DNM3: variants seen among roughly 807,000 people sequenced by gnomAD.
DNM3 encodes dynamin 3.
DNM3 carries 47 observed loss-of-function variants against 101.6 expected under a neutral mutation model. The ratio of observed to expected loss-of-function variants is 0.46; its 90% CI spans 0.37 to 0.59. The LOEUF is 0.59. DNM3 is among the 20% of genes least tolerant of loss of function. The pLI is 0.00. For missense variants in DNM3, 849 were observed against 1,085.7 expected (o/e 0.78, Z 3.06); for synonymous variants, 385 against 387.9 (o/e 0.99, Z 0.09).
intron 13 of DNM3, among the ~76,000 whole-genome samples, chr1:172,104,427 A>G (rs919917807): frequency 6.6e-6 from 1 of 152,040 alleles, no homozygotes; most frequent in African/African-American, 2.4e-5. Context: ...ACCGGCGAGG[A>G]TAAATATTTT....
intron 1 of DNM3, among the ~76,000 whole-genome samples, chr1:171,893,460 T>G (rs2037478549): frequency 2.0e-5 from 3 of 151,860 alleles, no homozygotes; most frequent in African/African-American, 7.3e-5. Context: ...TGACTTTTTT[T>G]TTTTGTCTTT....
intron 14 of DNM3, among the ~76,000 whole-genome samples, chr1:172,222,279 A>G (rs1176287019): frequency 6.6e-6 from 1 of 152,196 alleles, no homozygotes; most frequent in Non-Finnish European, 1.5e-5. Context: ...TGGATATATG[A>G]TCCAAGCTCT....
intron 17 of DNM3, among the ~76,000 whole-genome samples, chr1:172,369,131 G>A (rs2068185295): frequency 6.6e-6 from 1 of 151,584 alleles, no homozygotes; most frequent in African/African-American, 2.4e-5. Flanking sequence ...ATTCCATGAG[G>A]CCAGCATTAC....
intron 15 of DNM3, chr1:172,289,664 T>A (rs2063828638): frequency 1.0e-6 from 1 of 984,648 alleles, no homozygotes; most frequent in Non-Finnish European, 1.2e-6. Context: ...ATTTTTTGTT[T>A]CTTTTTAATA....
chr1:172,052,585 T>A (rs888509317), intron 10 of DNM3, among the ~76,000 whole-genome samples: 31 of 152,160 alleles, frequency 2.0e-4, no homozygotes, highest in Admixed American at 2.0e-4. Context: ...CAAAGATCAG[T>A]GAGAGTCCTG....
In DNM3 at chr1:172,411,921, A is replaced by G. The variant is rs1427246140; in HGVS notation, c.*4080A>G. 4 of 985,820 alleles carry G rather than the reference A, an allele frequency of 4.1e-6. No homozygotes were observed. Among genetic ancestry groups the G allele is most frequent in the Non-Finnish European group, 4.8e-6 (4 of 829,862 alleles). 61.1% of individuals were successfully genotyped at this position (985,820 alleles called of 1,614,324 possible). ...CTCATTGTACATTCTAAAAAGCTCA[A>G]ATGAGTCTTCTAGATACTCTTACTC... On this transcript the variant is annotated 3_prime_UTR_variant, in exon 21 of 21. Transcript: ENST00000627582.
chr1:172,090,077 A>G (rs2053804309), intron 12 of DNM3, among the ~76,000 whole-genome samples: 1 of 152,158 alleles, frequency 6.6e-6, no homozygotes, highest in Non-Finnish European at 1.5e-5. Flanking sequence ...AAGTGATTTG[A>G]AGGGGACTGA....
intron 14 of DNM3, among the ~76,000 whole-genome samples, chr1:172,223,628 T>C (rs2060995800): frequency 6.6e-6 from 1 of 152,160 alleles, no homozygotes; most frequent in Admixed American, 6.6e-5. Context: ...CTTTATCTAT[T>C]GTTCCCTATT....
Position 172,190,800 on chromosome 1 carries a change from G to T in DNM3, c.1659+59512G>T, listed in dbSNP as rs564134567. 2.3e-4 allele frequency among the ~76,000 whole-genome samples: 35 copies of T among 152,132 alleles called. No individual in the cohort carries two copies. In the South Asian group the frequency reaches 4.8e-3, roughly 21 times the overall value. ...AGCATTTTTTCATGTGTCTGTTGGT[G>T]GCACAAATGTCTTCTTTTGAGAAGT... On this transcript the variant is annotated intron_variant, in intron 14 of 20. Coordinates refer to ENST00000627582, the MANE Select transcript of DNM3 (RefSeq NM_015569.5).
At chr1:172,189,031 T>C (rs2059616488) in intron 14 of DNM3, among the ~76,000 whole-genome samples, 1 of 152,098 alleles carries the variant, frequency 6.6e-6, no homozygotes, top group South Asian at 2.1e-4. Flanking sequence ...TGAATTAATT[T>C]TTGTAAAAAG....
chr1:172,247,046 C>G (rs1446896633), intron 14 of DNM3, among the ~76,000 whole-genome samples: 1 of 152,178 alleles, frequency 6.6e-6, no homozygotes, highest in Admixed American at 6.5e-5. Flanking sequence ...AAACATTTAT[C>G]GTCCCTGGGT....
At chr1:172,058,030 G>A (rs1043438587) in intron 10 of DNM3, among the ~76,000 whole-genome samples, 73 of 140,852 alleles carry the variant, frequency 5.2e-4, no homozygotes, top group African/African-American at 1.9e-3. Flanking sequence ...ACAAAAAAAG[G>A]CAGGGGTTGC....
intron 6 of DNM3, among the ~76,000 whole-genome samples, chr1:172,037,138 C>T (rs1247802601): frequency 6.6e-6 from 1 of 152,004 alleles, no homozygotes; most frequent in Admixed American, 6.6e-5. Flanking sequence ...AGTCAGGAAA[C>T]AACAGGTGCT....
chr1:172,271,354 A>G (rs1208767955), intron 15 of DNM3, among the ~76,000 whole-genome samples: 1 of 152,174 alleles, frequency 6.6e-6, no homozygotes, highest in East Asian at 1.9e-4. Context: ...TCATTTATTT[A>G]AAACTAACCC....
chr1:171,977,364 T>C (rs2044453600), intron 2 of DNM3, among the ~76,000 whole-genome samples: 1 of 151,940 alleles, frequency 6.6e-6, no homozygotes, highest in Admixed American at 6.6e-5. Context: ...AAACCACAAG[T>C]GAGAATGGGA....
intron 10 of DNM3, among the ~76,000 whole-genome samples, chr1:172,059,782 T>G (rs1397328439): frequency 3.5e-5 from 5 of 141,758 alleles, no homozygotes; most frequent in South Asian, 2.3e-4. Flanking sequence ...TTGAAAACTG[T>G]CACAAGACAG....
intron 14 of DNM3, among the ~76,000 whole-genome samples, chr1:172,230,245 G>A (rs1238225303): frequency 1.3e-5 from 2 of 152,020 alleles, no homozygotes; most frequent in African/African-American, 2.4e-5. Context: ...ATAAAACTGG[G>A]TTTTTTCAAT....
intron 1 of DNM3, among the ~76,000 whole-genome samples, chr1:171,848,044 G>A (rs2032430950): frequency 6.6e-6 from 1 of 152,052 alleles, no homozygotes; most frequent in African/African-American, 2.4e-5. Context: ...CTGGAGCACA[G>A]TAGGATACAG....
In DNM3 at chr1:172,101,927, C is replaced by T. The variant is rs1016616210; in HGVS notation, c.1545+9052C>T. On this transcript the variant is annotated intron_variant, in intron 13 of 20. Coordinates refer to ENST00000627582, the MANE Select transcript of DNM3 (RefSeq NM_015569.5). ...AGGCTGGAGTGCAATGGTGTGATAT[C>T]GGCTCACCGCAATCTCTGCCTCCCA... Among the ~76,000 whole-genome samples, 15 of 151,616 alleles carry T rather than the reference C, an allele frequency of 9.9e-5. No individual in the cohort carries two copies. The East Asian group carries it at 1.4e-3, about 14-fold the overall frequency.
Sources: allele counts gnomAD v4.1 joint callset (sites outside exome capture counted in the v4.1 genomes callset), GRCh38; gene constraint gnomAD v4.1.1; transcripts MANE v1.5; gene names NCBI Gene and HGNC (gene_info 2026-07-23, HGNC 2026-07-21).